PREX2: variants seen among roughly 807,000 people sequenced by gnomAD.
PREX2 encodes the protein phosphatidylinositol-3,4,5-trisphosphate dependent Rac exchange factor 2, also known as phosphatidylinositol 3,4,5-trisphosphate-dependent Rac exchanger 2 protein.
PREX2 carries 107 observed loss-of-function variants against 203.2 expected under a neutral mutation model. The ratio of observed to expected loss-of-function variants is 0.53; its 90% CI spans 0.45 to 0.62. The LOEUF (loss-of-function observed/expected upper bound fraction) is 0.62, where lower values mean the gene tolerates loss of function less well. Among genes scored for constraint, PREX2 ranks in the 20% least tolerant of loss-of-function variants. The probability of loss-of-function intolerance (pLI) is 0.00; values close to 1 mark genes in which losing one functional copy is unlikely to be tolerated. For synonymous variants in PREX2, 672 were observed against 663.6 expected (o/e 1.01, Z -0.19); for missense variants, 1,777 against 1,955.9 (o/e 0.91, Z 1.72).
chr8:68,041,962 C>T (rs572275636), intron 7 of PREX2, among the ~76,000 whole-genome samples: 14 of 152,042 alleles, frequency 9.2e-5, no homozygotes, highest in Non-Finnish European at 1.5e-4. Flanking sequence ...AGCAAATGCC[C>T]TTAATGAATG....
At chr8:67,997,663 A>C (rs1158813657) in intron 1 of PREX2, among the ~76,000 whole-genome samples, 1 of 152,250 alleles carries the variant, frequency 6.6e-6, no homozygotes, top group South Asian at 2.1e-4. Context: ...TGTAATACTG[A>C]TATTTGATTG....
intron 34 of PREX2, among the ~76,000 whole-genome samples, chr8:68,152,347 A>G (rs1156743092): frequency 2.0e-5 from 3 of 150,950 alleles, no homozygotes; most frequent in East Asian, 3.9e-4. Context: ...GTTTTACACA[A>G]TATTTATAAT....
intron 25 of PREX2, among the ~76,000 whole-genome samples, chr8:68,112,615 C>T (rs187113609): frequency 1.8e-3 from 271 of 152,180 alleles, no homozygotes; most frequent in Non-Finnish European, 3.3e-3. Context: ...TGCTTATTTG[C>T]CAGGCAAGAT....
chr8:68,041,103 A>G (rs1273367515), intron 7 of PREX2, among the ~76,000 whole-genome samples: 1 of 152,156 alleles, frequency 6.6e-6, no homozygotes, highest in Non-Finnish European at 1.5e-5. Flanking sequence ...CATATATAGG[A>G]CACATTTGTT....
chr8:68,196,331 AT>A (rs1167526724), intron 37 of PREX2, among the ~76,000 whole-genome samples: 1 of 149,638 alleles, frequency 6.7e-6, no homozygotes, highest in African/African-American at 2.4e-5. Context: ...AAAACATTCT[AT>A]TCTGACATCC....
At chr8:68,144,534 C>T (rs991086189) in intron 33 of PREX2, among the ~76,000 whole-genome samples, 5 of 152,038 alleles carry the variant, frequency 3.3e-5, no homozygotes, top group Admixed American at 3.3e-4. Flanking sequence ...TTTATATTAA[C>T]CTGTATCCTG....
At chr8:68,216,691 C>T (rs183689647) in intron 37 of PREX2, among the ~76,000 whole-genome samples, 4 of 151,982 alleles carry the variant, frequency 2.6e-5, no homozygotes, top group African/African-American at 9.6e-5. Context: ...AAAGAACAGC[C>T]GGGCACAGTG....
At chr8:68,188,407 CCAA>C (rs1446885684) in intron 35 of PREX2, among the ~76,000 whole-genome samples, 1 of 152,040 alleles carries the variant, frequency 6.6e-6, no homozygotes, top group Non-Finnish European at 1.5e-5. Context: ...AGAAAGACAG[CCAA>C]CAAAATGGAC....
chr8:67,981,164 G>T (rs1277017882), intron 1 of PREX2, among the ~76,000 whole-genome samples: 1 of 152,180 alleles, frequency 6.6e-6, no homozygotes, highest in African/African-American at 2.4e-5. Flanking sequence ...AAGATGTTGG[G>T]TGTTTCCAAC....
intron 23 of PREX2, chr8:68,103,036 T>A (rs1379576212): frequency 4.2e-6 from 2 of 475,142 alleles, no homozygotes; most frequent in African/African-American, 2.0e-5. Context: ...AATTCCATAA[T>A]TGGGCTTATT....
chr8:67,989,455 G>C lies in PREX2; in HGVS notation c.142-28391G>C, dbSNP rs116213247. Among the ~76,000 whole-genome samples the C allele has an allele frequency of 3.6e-3, 544 of 152,144 alleles. 11 individuals are homozygous for C. The highest frequency in any genetic ancestry group is 0.013 in the African/African-American group (523 of 41,512). On this transcript the variant is annotated intron_variant, in intron 1 of 39. Transcript: ENST00000288368. ...TAATACCATTTATCTTCTCAACATT[G>C]AATGAATGACTTGTGTTTTTGTTAC...
chr8:68,210,595 CA>C (rs528733842), intron 37 of PREX2, among the ~76,000 whole-genome samples: 156 of 152,262 alleles, frequency 1.0e-3, no homozygotes, highest in African/African-American at 2.9e-3. Context: ...CCTTGTGGCC[CA>C]AAAGGGGTGT....
intron 2 of PREX2, among the ~76,000 whole-genome samples, chr8:68,019,292 C>A (rs1807494314): frequency 6.6e-6 from 1 of 152,192 alleles, no homozygotes; most frequent in Non-Finnish European, 1.5e-5. Context: ...TGCAGCCCAG[C>A]TTTGAGAAGG....
At chr8:68,228,113 C>T (rs1813088456) in intron 39 of PREX2, among the ~76,000 whole-genome samples, 1 of 152,108 alleles carries the variant, frequency 6.6e-6, no homozygotes. Context: ...GGACCTTCCC[C>T]CTCCCAGTTT....
At chr8:68,048,721 C>T (rs1026084980) in intron 8 of PREX2, among the ~76,000 whole-genome samples, 6 of 151,854 alleles carry the variant, frequency 4.0e-5, no homozygotes, top group Non-Finnish European at 7.4e-5. Flanking sequence ...TGCAATTTTC[C>T]TTTTAATGCA....
At chr8:68,171,232 C>T (rs193276092) in intron 35 of PREX2, among the ~76,000 whole-genome samples, 1 of 152,140 alleles carries the variant, frequency 6.6e-6, no homozygotes, top group African/African-American at 2.4e-5. Flanking sequence ...TGATGGTGTG[C>T]CTTCATCAAT....
chr8:68,208,160 ATAT>A (rs1305267890), intron 37 of PREX2, among the ~76,000 whole-genome samples: 1 of 152,220 alleles, frequency 6.6e-6, no homozygotes, highest in Non-Finnish European at 1.5e-5. Context: ...GCAGGAGATG[ATAT>A]TAGTGCAGCT....
intron 1 of PREX2, among the ~76,000 whole-genome samples, chr8:67,993,885 G>C (rs1806684219): frequency 1.3e-5 from 2 of 152,132 alleles, no homozygotes; most frequent in Non-Finnish European, 2.9e-5. Flanking sequence ...AATCTTCATA[G>C]AGAAAGTGGG....
chr8:68,185,494 T>C (rs1390929031), intron 35 of PREX2, among the ~76,000 whole-genome samples: 3 of 152,220 alleles, frequency 2.0e-5, no homozygotes, highest in African/African-American at 7.2e-5. Context: ...CATATTCTTA[T>C]GTGGCCTTCC....
Sources: gnomAD v4.1 joint callset for allele counts (sites outside exome capture counted in the v4.1 genomes callset) on GRCh38, gnomAD v4.1.1 for gene constraint, MANE v1.5 for transcripts, NCBI Gene and HGNC (gene_info 2026-07-23, HGNC 2026-07-21) for gene names.